The following RELCH variants were observed in gnomAD, a reference collection of about 807,000 sequenced individuals.
The protein encoded by RELCH is RAB11 binding and LisH domain, coiled-coil and HEAT repeat containing.
RELCH carries 41 observed loss-of-function variants against 150.3 expected under a neutral mutation model. That is an observed-to-expected ratio of 0.27 (90% CI 0.21 to 0.35). The LOEUF (loss-of-function observed/expected upper bound fraction) is 0.35, where lower values mean the gene tolerates loss of function less well. RELCH is among the 10% of genes least tolerant of loss of function. The pLI is 1.00. For missense variants in RELCH, 1,092 were observed against 1,467.8 expected (o/e 0.74, Z 4.18); for synonymous variants, 478 against 531.8 (o/e 0.90, Z 1.39).
intron 27 of RELCH, among the ~76,000 whole-genome samples, chr18:62,293,008 A>G (rs2045230816): frequency 1.3e-5 from 2 of 152,044 alleles, no homozygotes; most frequent in African/African-American, 2.4e-5. Context: ...ATCATCTGAC[A>G]CCTGTTCATC....
intron 2 of RELCH, among the ~76,000 whole-genome samples, chr18:62,213,635 CA>C (rs916894992): frequency 2.1e-5 from 3 of 142,056 alleles, no homozygotes; most frequent in Non-Finnish European, 4.5e-5. Context: ...GAGGCTGAGA[CA>C]GGAGAATTGC....
At chr18:62,278,397 ATC>A (rs1444407339) in intron 22 of RELCH, among the ~76,000 whole-genome samples, 2 of 152,142 alleles carry the variant, frequency 1.3e-5, no homozygotes, top group Non-Finnish European at 2.9e-5. Context: ...CTGGTTAATT[ATC>A]TGTTTTTTTA....
At chr18:62,282,523 T>G in intron 25 of RELCH, 79 bp downstream of exon 25, 1 of 1,446,334 alleles carries the variant, frequency 6.9e-7, no homozygotes, top group Non-Finnish European at 9.5e-7. Flanking sequence ...CCTTGTCATG[T>G]ATTAAAATTT....
chr18:62,267,353 C>G (rs1474555762), intron 19 of RELCH, among the ~76,000 whole-genome samples: 1 of 151,172 alleles, frequency 6.6e-6, no homozygotes, highest in African/African-American at 2.4e-5. Context: ...TGTAGCACCC[C>G]CACCCCCATT....
At chr18:62,197,594 C>T (rs967741051) in intron 1 of RELCH, among the ~76,000 whole-genome samples, 1 of 152,190 alleles carries the variant, frequency 6.6e-6, no homozygotes. Flanking sequence ...TATAGGAAAA[C>T]CTGAACAAGT....
Position 62,287,430 on chromosome 18 carries a change from G to T in RELCH, c.3333G>T (p.Thr1111=), listed in dbSNP as rs17646799. The change falls in exon 26 of 29, where the codon ACG becomes ACT. Residue 1111 remains threonine, a synonymous_variant. Coordinates refer to ENST00000644646, the MANE Select transcript of RELCH (RefSeq NM_001346231.2). ...IVDSKRLDIA[T]HLFEAYSALS... is the part of the protein sequence containing the mutation. ...ATTCTAAAAGACTGGACATTGCTAC[G>T]CATCTTTTTGAAGCCTACAGTGCAC... 3.1e-6 allele frequency: 5 copies of T among 1,606,356 alleles called. No individual in the cohort carries two copies. Among genetic ancestry groups the T allele is most frequent in the Non-Finnish European group, 3.4e-6 (4 of 1,174,038 alleles).
At chr18:62,209,647 C>A (rs1249613266) in intron 1 of RELCH, among the ~76,000 whole-genome samples, 138 of 144,946 alleles carry the variant, frequency 9.5e-4, no homozygotes, top group South Asian at 6.4e-4. Context: ...TCAATTTCTG[C>A]AAAAAAAAAA....
At chr18:62,263,853 C>T in intron 16 of RELCH, 136 bp from the exon 17 acceptor site, 1 of 587,774 alleles carries the variant, frequency 1.7e-6, no homozygotes, top group Non-Finnish European at 2.8e-6. Context: ...TAGTGTATTT[C>T]AATTTTATAT....
At chr18:62,291,192 T>C (rs1048708852) in intron 26 of RELCH, among the ~76,000 whole-genome samples, 4 of 152,252 alleles carry the variant, frequency 2.6e-5, no homozygotes. Flanking sequence ...TTCAACTTAG[T>C]TGTCATGGAA....
intron 11 of RELCH, among the ~76,000 whole-genome samples, chr18:62,250,011 A>G (rs1247205676): frequency 1.3e-5 from 2 of 152,130 alleles, no homozygotes; most frequent in Admixed American, 6.6e-5. Context: ...TCTAGCAACC[A>G]TAATTGGTAC....
At chr18:62,247,960 G>A (rs929624055) in intron 11 of RELCH, among the ~76,000 whole-genome samples, 5 of 152,128 alleles carry the variant, frequency 3.3e-5, no homozygotes, top group African/African-American at 9.7e-5. Flanking sequence ...TTCAACCATA[G>A]CTCATAATAC....
At chr18:62,275,507 A>T in intron 22 of RELCH, 34 bp downstream of exon 22, 1 of 1,377,488 alleles carries the variant, frequency 7.3e-7, no homozygotes, top group South Asian at 1.2e-5. Context: ...GGTTTCAATT[A>T]TAATGATTTT....
At chr18:62,274,748 T>C (rs1362539305) in intron 21 of RELCH, among the ~76,000 whole-genome samples, 1 of 152,236 alleles carries the variant, frequency 6.6e-6, no homozygotes, top group Non-Finnish European at 1.5e-5. Flanking sequence ...TCCTTTTTCC[T>C]CATGGAGAAA....
At chr18:62,285,676 G>A (rs1170688619) in intron 25 of RELCH, 1 of 152,252 alleles carries the variant, frequency 6.6e-6, no homozygotes, top group Non-Finnish European at 1.5e-5. Context: ...GATCACTTGA[G>A]TCCAAGTGTT....
intron 20 of RELCH, 94 bp from the exon 21 acceptor site, chr18:62,273,886 A>AT: frequency 1.3e-6 from 1 of 770,606 alleles, no homozygotes; most frequent in Admixed American, 2.3e-5. Context: ...TTTTCCCCTT[A>AT]TTTGGTAACA....
chr18:62,211,295 G>A (rs760609509), intron 2 of RELCH, 53 bp downstream of exon 2: 54 of 1,105,594 alleles, frequency 4.9e-5, no homozygotes, highest in Non-Finnish European at 6.9e-5. Flanking sequence ...CAGAAATAAT[G>A]AAATGGCTTG....
At chr18:62,224,568 G>A (rs1364019689) in intron 5 of RELCH, among the ~76,000 whole-genome samples, 1 of 151,994 alleles carries the variant, frequency 6.6e-6, no homozygotes, top group African/African-American at 2.4e-5. Context: ...ATTTTAGCAA[G>A]GTTGTAGGAA....
At chr18:62,230,573 GTGT>G (rs763602000) in intron 8 of RELCH, among the ~76,000 whole-genome samples, 69 of 152,102 alleles carry the variant, frequency 4.5e-4, no homozygotes, top group Non-Finnish European at 8.5e-4. Flanking sequence ...ATAGAGACTG[GTGT>G]TGTTTTAGAA....
At chr18:62,194,447 A>G (rs1425823603) in intron 1 of RELCH, among the ~76,000 whole-genome samples, 1 of 152,224 alleles carries the variant, frequency 6.6e-6, no homozygotes, top group Non-Finnish European at 1.5e-5. Flanking sequence ...CAGGAACCGT[A>G]TTTTAATGAA....
Sources: allele counts gnomAD v4.1 joint callset (sites outside exome capture counted in the v4.1 genomes callset), GRCh38; gene constraint gnomAD v4.1.1; transcripts MANE v1.5; gene names NCBI Gene and HGNC (gene_info 2026-07-23, HGNC 2026-07-21).